FBXO33: variants seen among roughly 807,000 people sequenced by gnomAD.
FBXO33 encodes F-box only protein 33.
Under a neutral mutation model 46.3 loss-of-function variants are expected in FBXO33, and 22 were observed. That is an observed-to-expected ratio of 0.48 (90% confidence interval 0.34 to 0.68). The LOEUF (loss-of-function observed/expected upper bound fraction) is 0.68, where lower values mean the gene tolerates loss of function less well. FBXO33 is among the 30% of genes least tolerant of loss of function. The pLI, the probability that FBXO33 is intolerant of heterozygous loss-of-function variation, is 0.01. For missense variants in FBXO33, 692 were observed against 708.8 expected (o/e 0.98, Z 0.27); for synonymous variants, 337 against 291.3 (o/e 1.16, Z -1.60).
chr14:39,421,268 T>A (rs1037883783), intron 1 of FBXO33, among the ~76,000 whole-genome samples: 8 of 152,204 alleles, frequency 5.3e-5, no homozygotes, highest in African/African-American at 1.9e-4. Flanking sequence ...CAAACCAGAT[T>A]AAAAGGTAGC....
At chr14:39,427,960 T>C (rs964977317) in intron 1 of FBXO33, among the ~76,000 whole-genome samples, 3 of 152,142 alleles carry the variant, frequency 2.0e-5, no homozygotes, top group Non-Finnish European at 4.4e-5. Context: ...TTTTTAAATG[T>C]CTTTATTATT....
At chr14:39,406,845 C>G (rs2075401171) in intron 1 of FBXO33, among the ~76,000 whole-genome samples, 2 of 152,132 alleles carry the variant, frequency 1.3e-5, no homozygotes, top group Non-Finnish European at 2.9e-5. Context: ...AATCCATCAA[C>G]AGAAATATAC....
intron 1 of FBXO33, among the ~76,000 whole-genome samples, chr14:39,424,069 C>T (rs997306630): frequency 1.1e-4 from 17 of 152,202 alleles, no homozygotes; most frequent in Non-Finnish European, 2.2e-4. Flanking sequence ...TTTTCCGTTT[C>T]TGTGTTAGCT....
intron 1 of FBXO33, among the ~76,000 whole-genome samples, chr14:39,423,266 A>G (rs1412617151): frequency 6.6e-6 from 1 of 152,228 alleles, no homozygotes; most frequent in East Asian, 1.9e-4. Flanking sequence ...AAAAACACTG[A>G]CACTTGCTAA....
In FBXO33 at chr14:39,415,226, A is replaced by G. The variant is rs1376749278; in HGVS notation, c.600-12715T>C. 2.0e-5 allele frequency among the ~76,000 whole-genome samples: 3 copies of G among 152,154 alleles called. No individual in the cohort carries two copies. The East Asian group carries it at 5.8e-4, about 29-fold the overall frequency. Reference sequence around the variant, plus strand: ...AAGGTGAGGATCTCTTTAGCCCAGGAGGTGAGGCTGCCATTACCCATGATC... The same window carrying G: ...AAGGTGAGGATCTCTTTAGCCCAGGGGGTGAGGCTGCCATTACCCATGATC... On this transcript the variant is annotated intron_variant, in intron 1 of 3. Transcript: ENST00000298097.
At chr14:39,412,051 T>A (rs1567075294) in intron 1 of FBXO33, among the ~76,000 whole-genome samples, 1 of 152,238 alleles carries the variant, frequency 6.6e-6, no homozygotes, top group Non-Finnish European at 1.5e-5. Flanking sequence ...GGATGGAATG[T>A]TCTGTATATG....
intron 1 of FBXO33, among the ~76,000 whole-genome samples, chr14:39,420,090 T>C (rs1405950180): frequency 1.3e-5 from 2 of 152,244 alleles, no homozygotes; most frequent in Non-Finnish European, 2.9e-5. Flanking sequence ...AGAAACAGCC[T>C]ACAGACTGCT....
In FBXO33 at chr14:39,401,334, A is replaced by C. The variant is rs1258182636; in HGVS notation, c.1238T>G (p.Leu413Arg). 1.2e-6 allele frequency: 2 copies of C among 1,614,086 alleles called. No homozygotes were observed. Among genetic ancestry groups the C allele is most frequent in the African/African-American group, 1.3e-5 (1 of 74,942 alleles). The change falls in exon 3 of 4, where the codon CTT becomes CGT. Residue 413 changes from leucine to arginine, a missense_variant. Transcript: ENST00000298097. Reference protein sequence around the residue: ...ITCVSGAIVDLISRQYDKFLT... With the variant: ...ITCVSGAIVDRISRQYDKFLT... ...GAACTTGTCATATTGCCTGGATATA[A>C]GATCAACAATAGCCCCTGAAACACA...
Position 39,432,256 on chromosome 14 carries a change from G to T in FBXO33, c.-94C>A. 2.8e-6 allele frequency: 3 copies of T among 1,057,504 alleles called. No individual in the cohort carries two copies. Among genetic ancestry groups the T allele is most frequent in the Non-Finnish European group, 3.5e-6 (3 of 848,956 alleles). The allele number at this position is 1,057,504 out of a possible 1,614,324, so 65.5% of individuals were successfully genotyped here. ...GAGAGGGGGAAAGGCCTCTGCGGGCGTGGCCTGCCGGGAGCCAGCCTCTGT... is the reference window on the plus strand; with the variant it reads ...GAGAGGGGGAAAGGCCTCTGCGGGCTTGGCCTGCCGGGAGCCAGCCTCTGT... On this transcript the variant is annotated 5_prime_UTR_variant, in exon 1 of 4. Coordinates refer to ENST00000298097, the MANE Select transcript of FBXO33 (RefSeq NM_203301.4).
At chr14:39,402,373 C>T (rs2075372644) in intron 2 of FBXO33, 28 bp downstream of exon 2, 1 of 1,233,750 alleles carries the variant, frequency 8.1e-7, no homozygotes, top group Admixed American at 2.2e-5. Flanking sequence ...AATAGTACAA[C>T]CTCCTTTCCA....
chr14:39,399,844 G>T lies in FBXO33; in HGVS notation c.1397-57C>A, dbSNP rs2075360647. ...TTCCTTGCATTTCCTTTTCTCTTTG[G>T]TAAGTCTGTCTTTTCCTCATTCAAA... On this transcript the variant is annotated intron_variant, in intron 3 of 3. Coordinates refer to ENST00000298097, the MANE Select transcript of FBXO33 (RefSeq NM_203301.4). 6 of 1,457,888 alleles carry T rather than the reference G, an allele frequency of 4.1e-6. No homozygotes were observed. In the South Asian group the frequency reaches 6.3e-5, roughly 15 times the overall value. The allele number at this position is 1,457,888 out of a possible 1,614,324, so 90.3% of individuals were successfully genotyped here. A position where few individuals can be genotyped will look rare whatever the true frequency, so the allele number is the denominator to read the frequency against.
intron 1 of FBXO33, among the ~76,000 whole-genome samples, chr14:39,417,286 G>C (rs2075452984): frequency 6.6e-6 from 1 of 152,194 alleles, no homozygotes; most frequent in Non-Finnish European, 1.5e-5. Flanking sequence ...AATTGGCAGG[G>C]GTGCACTGAA....
chr14:39,401,319 T>C lies in FBXO33; in HGVS notation c.1253A>G (p.Tyr418Cys). 6.2e-7 allele frequency: 1 copy of C among 1,614,160 alleles called. No homozygotes were observed. Among genetic ancestry groups the C allele is most frequent in the Non-Finnish European group, 8.5e-7 (1 of 1,180,024 alleles). Reference sequence around the variant, plus strand: ...AATAAAATGAGTGAGGAACTTGTCATATTGCCTGGATATAAGATCAACAAT... The same window carrying C: ...AATAAAATGAGTGAGGAACTTGTCACATTGCCTGGATATAAGATCAACAAT... ...GAIVDLISRQ[Y>C]DKFLTHFILM... Residue 418 changes from tyrosine to cysteine, a missense_variant, in exon 3 of 4, where the codon TAT (tyrosine) becomes TGT (cysteine). Tyr to Cys is a radical substitution (Grantham distance 194). Around this residue, in one of 3 missense-constraint regions of FBXO33, gnomAD observed 186 missense variants for 246.1 expected, o/e 0.76. Transcript: ENST00000298097.
intron 1 of FBXO33, among the ~76,000 whole-genome samples, chr14:39,425,500 A>G (rs2075508459): frequency 6.6e-6 from 1 of 152,256 alleles, no homozygotes; most frequent in South Asian, 2.1e-4. Flanking sequence ...ATAATGACAT[A>G]TAACTTTTTT....
At chr14:39,409,836 A>G (rs1326873715) in intron 1 of FBXO33, among the ~76,000 whole-genome samples, 1 of 151,508 alleles carries the variant, frequency 6.6e-6, no homozygotes, top group Admixed American at 6.6e-5. Flanking sequence ...TGTCAATGGG[A>G]TTTTCTTAAT....
In FBXO33 at chr14:39,417,219, T is replaced by C. The variant is rs376406332; in HGVS notation, c.599+14345A>G. On this transcript the variant is annotated intron_variant, in intron 1 of 3. Transcript: ENST00000298097. ...CACTCACCCTTCTTTTGTTCTCAGT[T>C]GTTTCAGGCATCTGGGCTCTATCAG... is the stretch of plus-strand genomic sequence containing the variant. 1.1e-4 allele frequency among the ~76,000 whole-genome samples: 16 copies of C among 152,366 alleles called. No individual in the cohort carries two copies. In the East Asian group the frequency reaches 1.9e-3, roughly 18 times the overall value.
At chr14:39,426,265 G>A (rs1248593584) in intron 1 of FBXO33, among the ~76,000 whole-genome samples, 1 of 151,456 alleles carries the variant, frequency 6.6e-6, no homozygotes, top group African/African-American at 2.4e-5. Flanking sequence ...TTTTCCTTTT[G>A]TCTTACTACC....
In FBXO33 at chr14:39,399,755, T is replaced by C. The variant is rs763273755; in HGVS notation, c.1429A>G (p.Ile477Val). Reference protein sequence around the residue: ...YTVWAHNLIAIARLRGSDLKV... With the variant: ...YTVWAHNLIAVARLRGSDLKV... Reference sequence around the variant, plus strand: ...AGATCAGAGCCCCGAAGACGAGCAATGGCAATGAGGTTGTGTGCCCACACC... The same window carrying C: ...AGATCAGAGCCCCGAAGACGAGCAACGGCAATGAGGTTGTGTGCCCACACC... Residue 477 changes from isoleucine (I) to valine (V), a missense_variant, in exon 4 of 4, where the codon ATT becomes GTT. This residue lies in a region of FBXO33 where 186 missense variants were observed against 246.1 expected (regional missense o/e 0.76). Coordinates refer to ENST00000298097, the MANE Select transcript of FBXO33 (RefSeq NM_203301.4). 6.2e-7 allele frequency: 1 copy of C among 1,609,018 alleles called. No homozygotes were observed.
At chr14:39,431,333 G>A (rs145484214) in intron 1 of FBXO33, among the ~76,000 whole-genome samples, 251 of 152,248 alleles carry the variant, frequency 1.6e-3, no homozygotes, top group African/African-American at 5.4e-3. Context: ...GAAGGCGCCA[G>A]AAGTGGTGTC....
Sources: gnomAD v4.1 joint callset for allele counts (sites outside exome capture counted in the v4.1 genomes callset) on GRCh38, gnomAD v4.1.1 for gene constraint, gnomAD v4.1.1 regional missense constraint, MANE v1.5 for transcripts, NCBI Gene and HGNC (gene_info 2026-07-23, HGNC 2026-07-21) for gene names.